ANKRD26: variants seen among roughly 807,000 people sequenced by gnomAD.
ANKRD26 encodes the protein ankyrin repeat domain 26.
In ANKRD26, 141 loss-of-function variants were observed where a neutral mutation model predicts 208.7. The observed-to-expected ratio is 0.68, with a 90% CI of 0.59 to 0.78. The LOEUF (loss-of-function observed/expected upper bound fraction) is 0.78, where lower values mean the gene tolerates loss of function less well. Among genes scored for constraint, ANKRD26 ranks in the 30% least tolerant of loss-of-function variants. The pLI, the probability that ANKRD26 is intolerant of heterozygous loss-of-function variation, is 0.00. For missense variants in ANKRD26, 1,889 were observed against 1,938.7 expected (o/e 0.97, Z 0.48); for synonymous variants, 636 against 660.4 (o/e 0.96, Z 0.57).
At chr10:27,044,536 G>A (rs1004134089) in intron 18 of ANKRD26, among the ~76,000 whole-genome samples, 7 of 148,408 alleles carry the variant, frequency 4.7e-5, no homozygotes, top group African/African-American at 1.7e-4. Context: ...TTTTTTTGCT[G>A]TCGACCTTTT....
intron 4 of ANKRD26, among the ~76,000 whole-genome samples, chr10:27,087,861 G>A (rs530955892): frequency 2.6e-5 from 4 of 152,228 alleles, no homozygotes; most frequent in South Asian, 2.1e-4. Flanking sequence ...ATCCACTGCC[G>A]CCTGGAACTC....
intron 15 of ANKRD26, among the ~76,000 whole-genome samples, chr10:27,055,914 C>T (rs115070253): frequency 0.037 from 5,700 of 152,242 alleles, 113 homozygotes; most frequent in African/African-American, 0.043. Flanking sequence ...ATAAAAACCA[C>T]ATTGTGCTTG....
rs377448513 is a variant in ANKRD26, at chr10:27,081,806, C to T, written c.740+997G>A. Among the ~76,000 whole-genome samples, 6 of 151,688 alleles carry T rather than the reference C, an allele frequency of 4.0e-5. No homozygotes were observed. The East Asian group carries it at 5.8e-4, about 15-fold the overall frequency. On this transcript the variant is annotated intron_variant, in intron 6 of 33. Coordinates refer to ENST00000376087, the MANE Select transcript of ANKRD26 (RefSeq NM_014915.3). ...AGGCTGGAGTGCAGTGGCGCAATCT[C>T]GGCTCACTGCAACCTCCGCCTCCCG...
intron 11 of ANKRD26, chr10:27,066,264 C>A: frequency 2.9e-6 from 1 of 347,198 alleles, no homozygotes; most frequent in Non-Finnish European, 5.1e-6. Context: ...TTTGCACTAT[C>A]CTTCACTGGA....
intron 25 of ANKRD26, chr10:27,030,423 T>C (rs2053827060): frequency 2.0e-6 from 2 of 985,460 alleles, no homozygotes; most frequent in Non-Finnish European, 2.4e-6. Context: ...CTGAAAACAC[T>C]GGACTCTGCT....
Position 27,100,365 on chromosome 10 carries a change from T to C in ANKRD26, c.-39A>G, listed in dbSNP as rs768936833. ...GGGCTTCAGAGACACCTCATGTCTC[T>C]CTCGGCTCTTAACGGCCTCCGGAGC... On this transcript the variant is annotated 5_prime_UTR_variant, in exon 1 of 34. Coordinates refer to ENST00000376087, the MANE Select transcript of ANKRD26 (RefSeq NM_014915.3). 6.2e-7 allele frequency: 1 copy of C among 1,602,060 alleles called. No individual in the cohort carries two copies. The highest frequency in any genetic ancestry group is 8.5e-7 in the Non-Finnish European group (1 of 1,179,682).
At chr10:27,028,308 T>C (rs2053737655) in intron 27 of ANKRD26, among the ~76,000 whole-genome samples, 1 of 151,976 alleles carries the variant, frequency 6.6e-6, no homozygotes. Context: ...AAAATATTCA[T>C]AAAAGTGGCC....
chr10:27,073,245 G>C (rs182719843), intron 9 of ANKRD26, among the ~76,000 whole-genome samples: 102 of 152,290 alleles, frequency 6.7e-4, no homozygotes, highest in Middle Eastern at 3.4e-3. Context: ...GCATGTGAAG[G>C]GTCTTGGAGA....
At chr10:26,962,791 C>G in the ANKRD26 span, among the ~76,000 whole-genome samples, 1 of 152,012 alleles carries the variant, frequency 6.6e-6, no homozygotes, top group Non-Finnish European at 1.5e-5. Flanking sequence ...GGAACAACAA[C>G]AACAGATAAA....
chr10:27,093,862 A>G, intron 1 of ANKRD26, 63 bp from the exon 2 acceptor site: 2 of 1,241,588 alleles, frequency 1.6e-6, no homozygotes, highest in African/African-American at 1.5e-5. Context: ...ACAATGGTTC[A>G]TAAAATTATA....
At chr10:27,056,086 A>G (rs1310024911) in intron 15 of ANKRD26, among the ~76,000 whole-genome samples, 1 of 152,240 alleles carries the variant, frequency 6.6e-6, no homozygotes, top group East Asian at 1.9e-4. Context: ...TGTTAGAGGA[A>G]GACTACAAAT....
At chr10:27,077,173 C>T (rs2055728493) in intron 9 of ANKRD26, 165 bp downstream of exon 9, 1 of 637,196 alleles carries the variant, frequency 1.6e-6, no homozygotes, top group Non-Finnish European at 2.7e-6. Context: ...GGTTTCATTT[C>T]AAGGATGCAG....
chr10:27,039,927 A>C (rs1300737576), intron 21 of ANKRD26, 38 bp downstream of exon 21: 2 of 1,571,308 alleles, frequency 1.3e-6, no homozygotes, highest in East Asian at 2.2e-5. Flanking sequence ...TCTTTAGTAC[A>C]AATAGTTAAA....
At chr10:27,030,275 A>C in intron 25 of ANKRD26, 8 of 688,252 alleles carry the variant, frequency 1.2e-5, no homozygotes, top group Non-Finnish European at 1.3e-5. Context: ...AACTTTTGCC[A>C]ATTCCACTAA....
chr10:26,993,472 T>C (rs1430740624), intron 5 of ANKRD26, among the ~76,000 whole-genome samples: 8 of 152,128 alleles, frequency 5.3e-5, no homozygotes, highest in African/African-American at 1.7e-4. Context: ...TCTGGCTGAG[T>C]TGGCCTAATA....
chr10:27,005,539 TAATGAG>T lies in ANKRD26; in HGVS notation c.*45_*50del. The T allele has an allele frequency of 6.3e-7, 1 of 1,584,544 alleles. No individual in the cohort carries two copies. On this transcript the variant is annotated 3_prime_UTR_variant, in exon 34 of 34. Coordinates refer to ENST00000376087, the MANE Select transcript of ANKRD26 (RefSeq NM_014915.3). ...TTTTTACATGTCATATATTAATATT[TAATGAG>T]AAACAAAATGTCACATAAACAGCCC...
intron 32 of ANKRD26, among the ~76,000 whole-genome samples, chr10:27,008,338 G>A (rs1248763635): frequency 6.6e-6 from 1 of 151,934 alleles, no homozygotes; most frequent in Non-Finnish European, 1.5e-5. Flanking sequence ...TTATAGATAG[G>A]CCTTATACAA....
chr10:26,972,184 G>C (rs896679417), downstream of ANKRD26, among the ~76,000 whole-genome samples: 3 of 149,190 alleles, frequency 2.0e-5, no homozygotes, highest in East Asian at 3.9e-4. Context: ...GCAGTGAGCC[G>C]AGATCGTGCC....
At chr10:27,026,675 T>C (rs2135086248) in intron 27 of ANKRD26, among the ~76,000 whole-genome samples, 1 of 152,356 alleles carries the variant, frequency 6.6e-6, no homozygotes, top group African/African-American at 2.4e-5. Flanking sequence ...CAGAGAATCC[T>C]GTTCTGCTTG....
Sources: gnomAD v4.1 joint callset for allele counts (sites outside exome capture counted in the v4.1 genomes callset) on GRCh38, gnomAD v4.1.1 for gene constraint, MANE v1.5 for transcripts, NCBI Gene and HGNC (gene_info 2026-07-23, HGNC 2026-07-21) for gene names.